The following LMCD1 variants were observed in gnomAD, a reference collection of about 807,000 sequenced individuals.
The protein encoded by LMCD1 is LIM and cysteine-rich domains protein 1.
LMCD1 carries 32 observed loss-of-function variants against 42.7 expected under a neutral mutation model. The observed-to-expected ratio is 0.75, with a 90% confidence interval of 0.57 to 1.01. The LOEUF is 1.01. Ranked by LOEUF, LMCD1 falls within the 50% of genes least tolerant of loss-of-function variation. LMCD1 has a pLI of 0.00. For synonymous variants in LMCD1, 178 were observed against 184.9 expected (o/e 0.96, Z 0.30); for missense variants, 458 against 483.1 (o/e 0.95, Z 0.49).
In LMCD1 at chr3:8,528,315, A is replaced by G. The variant is rs567506954; in HGVS notation, c.43-4422A>G. 6.8e-4 allele frequency among the ~76,000 whole-genome samples: 103 copies of G among 152,000 alleles called. 2 individuals are homozygous for G. In the South Asian group the frequency reaches 0.015, roughly 22 times the overall value. The stretch of plus-strand genomic sequence containing the variant: ...GTGATCCTCCAGCCTCAGCCTCTCA[A>G]GTAAGCTGGAACTACAGGCACATAC... On this transcript the variant is annotated intron_variant, in intron 1 of 5. Transcript: ENST00000157600.
chr3:8,508,714 T>C (rs1177340240), intron 1 of LMCD1, among the ~76,000 whole-genome samples: 2 of 152,180 alleles, frequency 1.3e-5, no homozygotes, highest in Non-Finnish European at 2.9e-5. Context: ...ATTTACAAAC[T>C]TACATTTACA....
Position 8,502,058 on chromosome 3 carries a change from C to A in LMCD1, c.42+78C>A. 3.6e-6 allele frequency: 5 copies of A among 1,376,664 alleles called. No individual in the cohort carries two copies. In the South Asian group the frequency reaches 5.0e-5, roughly 14 times the overall value. The allele number at this position is 1,376,664 out of a possible 1,614,324, so 85.3% of individuals were successfully genotyped here. ...CTTCCCATCTGTTCGCGGAAACTTC[C>A]CAAAAGGTAATGAGAAGGGAACTCT... is the stretch of plus-strand genomic sequence containing the variant. On this transcript the variant is annotated intron_variant, in intron 1 of 5. Coordinates refer to ENST00000157600, the MANE Select transcript of LMCD1 (RefSeq NM_014583.4).
In LMCD1 at chr3:8,508,081, C is replaced by A. The variant is rs146895229; in HGVS notation, c.42+6101C>A. Among the ~76,000 whole-genome samples the A allele has an allele frequency of 8.6e-4, 131 of 152,322 alleles. 1 individual carries two copies. The Middle Eastern group carries it at 0.01, about 12-fold the overall frequency. ...TATAGAATAAAGACTTTCTTGATTT[C>A]TCCTGGTTTTCCAGAAGGCTAATGG... On this transcript the variant is annotated intron_variant, in intron 1 of 5. Coordinates refer to ENST00000157600, the MANE Select transcript of LMCD1 (RefSeq NM_014583.4).
At chr3:8,509,772 C>A (rs749112773) in intron 1 of LMCD1, among the ~76,000 whole-genome samples, 1 of 152,108 alleles carries the variant, frequency 6.6e-6, no homozygotes, top group African/African-American at 2.4e-5. Flanking sequence ...TCTGGTCATC[C>A]CTACAGTGTA....
At chr3:8,534,658 A>G (rs1044910801) in intron 2 of LMCD1, among the ~76,000 whole-genome samples, 1 of 152,226 alleles carries the variant, frequency 6.6e-6, no homozygotes, top group Non-Finnish European at 1.5e-5. Context: ...GCCAACCAAC[A>G]TGGTTTAATA....
chr3:8,559,545 TA>T (rs1694990031), intron 4 of LMCD1, among the ~76,000 whole-genome samples: 2 of 152,222 alleles, frequency 1.3e-5, no homozygotes, highest in African/African-American at 4.8e-5. Flanking sequence ...TCTGACTTGG[TA>T]TCTCCCCTCT....
chr3:8,522,349 G>A (rs772919003), intron 1 of LMCD1, among the ~76,000 whole-genome samples: 9 of 152,172 alleles, frequency 5.9e-5, no homozygotes, highest in Non-Finnish European at 1.0e-4. Flanking sequence ...CAGCGGGGAG[G>A]AGAGTGGGTA....
chr3:8,562,021 G>A (rs1429315612), intron 4 of LMCD1, among the ~76,000 whole-genome samples: 3 of 152,184 alleles, frequency 2.0e-5, no homozygotes, highest in Non-Finnish European at 2.9e-5. Flanking sequence ...GTGAATGAAT[G>A]AGCATTTAGC....
intron 1 of LMCD1, among the ~76,000 whole-genome samples, chr3:8,509,692 A>G (rs1435280955): frequency 6.6e-6 from 1 of 152,114 alleles, no homozygotes. Context: ...ACACACACAC[A>G]TACCTCTCCT....
rs1400945873 is a variant in LMCD1 at position 8,565,489 on chromosome 3, A to G, written c.781A>G (p.Arg261Gly). The change falls in exon 5 of 6, where the codon AGG (arginine) becomes GGG (glycine). Residue 261 changes from arginine (R) to glycine (G), a missense_variant. Physicochemically the swap from Arg to Gly is moderately radical, Grantham distance 125 (BLOSUM62 -2). Coordinates refer to ENST00000157600, the MANE Select transcript of LMCD1 (RefSeq NM_014583.4). ...PPDSPVVYSD[R>G]AGYNKQWHPT... Reference sequence around the variant, plus strand: ...TGACAGCCCCGTGGTCTACTCGGACAGGGCAGGCTACAACAAGCAGTGGCA... The same window carrying G: ...TGACAGCCCCGTGGTCTACTCGGACGGGGCAGGCTACAACAAGCAGTGGCA... 1.5e-5 allele frequency: 24 copies of G among 1,614,220 alleles called. No homozygotes were observed. Among genetic ancestry groups the G allele is most frequent in the Non-Finnish European group, 1.9e-5 (23 of 1,180,030 alleles).
intron 1 of LMCD1, among the ~76,000 whole-genome samples, chr3:8,522,388 C>G (rs1170269913): frequency 1.3e-5 from 2 of 152,156 alleles, no homozygotes; most frequent in African/African-American, 4.8e-5. Flanking sequence ...AGAGTCTGCC[C>G]TGCGGAGCTG....
intron 5 of LMCD1, among the ~76,000 whole-genome samples, chr3:8,566,929 T>C (rs1443994882): frequency 6.6e-6 from 1 of 152,196 alleles, no homozygotes; most frequent in African/African-American, 2.4e-5. Flanking sequence ...AAGTGAAAAC[T>C]CATACCCAGT....
intron 1 of LMCD1, among the ~76,000 whole-genome samples, chr3:8,519,323 T>C (rs1032896826): frequency 6.6e-6 from 1 of 152,192 alleles, no homozygotes; most frequent in Admixed American, 6.6e-5. Flanking sequence ...AGGAACTGTA[T>C]GTGGGCAGGC....
At chr3:8,523,110 T>G (rs1277548947) in intron 1 of LMCD1, among the ~76,000 whole-genome samples, 1 of 152,226 alleles carries the variant, frequency 6.6e-6, no homozygotes, top group African/African-American at 2.4e-5. Flanking sequence ...GTATTGATCT[T>G]TAAAAGCAAA....
chr3:8,535,392 G>C (rs899924135), intron 2 of LMCD1, among the ~76,000 whole-genome samples: 1 of 151,920 alleles, frequency 6.6e-6, no homozygotes, highest in African/African-American at 2.4e-5. Context: ...TCTCCTTTTT[G>C]CTACTGGAAC....
chr3:8,547,470 T>C (rs1327502015), intron 3 of LMCD1, among the ~76,000 whole-genome samples: 1 of 152,236 alleles, frequency 6.6e-6, no homozygotes, highest in African/African-American at 2.4e-5. Flanking sequence ...GCTGTTACCA[T>C]GAGCCAATAA....
chr3:8,551,768 C>T (rs1277378857), intron 4 of LMCD1, among the ~76,000 whole-genome samples: 8 of 152,224 alleles, frequency 5.3e-5, no homozygotes, highest in South Asian at 4.1e-4. Context: ...TGCCTTGCCT[C>T]ACCAGCATTC....
At chr3:8,540,707 G>T (rs1296672258) in intron 3 of LMCD1, among the ~76,000 whole-genome samples, 1 of 152,200 alleles carries the variant, frequency 6.6e-6, no homozygotes, top group Non-Finnish European at 1.5e-5. Flanking sequence ...GCCAGGATTT[G>T]GGGGAAGGAA....
intron 4 of LMCD1, among the ~76,000 whole-genome samples, chr3:8,563,166 TC>T (rs1695070091): frequency 6.6e-6 from 1 of 152,240 alleles, no homozygotes; most frequent in African/African-American, 2.4e-5. Flanking sequence ...TGGATGTGGC[TC>T]CTGCTTCCAT....
Sources: allele counts gnomAD v4.1 joint callset (sites outside exome capture counted in the v4.1 genomes callset), GRCh38; gene constraint gnomAD v4.1.1; transcripts MANE v1.5; gene names NCBI Gene and HGNC (gene_info 2026-07-23, HGNC 2026-07-21).